The following PLXNA1 variants were observed in gnomAD, a reference collection of about 807,000 sequenced individuals.
The protein encoded by PLXNA1 is plexin-A1.
A neutral mutation model predicts 191.7 loss-of-function variants in PLXNA1; 77 were observed. That is an observed-to-expected ratio of 0.40 (90% CI 0.33 to 0.49). The LOEUF is 0.49. Among genes scored for constraint, PLXNA1 ranks in the 20% least tolerant of loss-of-function variants. The probability of loss-of-function intolerance (pLI) is 0.63; values close to 1 mark genes in which losing one functional copy is unlikely to be tolerated. For synonymous variants in PLXNA1, 1,137 were observed against 1,156.4 expected, an observed-to-expected ratio of 0.98 and a Z score of 0.34; for missense variants, 2,110 against 2,660.2, an observed-to-expected ratio of 0.79 and a Z score of 4.55.
At chr3:127,007,248 T>A (rs1226786382) in intron 8 of PLXNA1, among the ~76,000 whole-genome samples, 2 of 152,112 alleles carry the variant, frequency 1.3e-5, no homozygotes, top group Non-Finnish European at 2.9e-5. Context: ...GGCTGAGTTG[T>A]GGGCAGAGCG....
chr3:126,993,504 C>G (rs921850235), intron 3 of PLXNA1, among the ~76,000 whole-genome samples: 1 of 152,172 alleles, frequency 6.6e-6, no homozygotes, highest in Non-Finnish European at 1.5e-5. Flanking sequence ...ATGGCTAGTT[C>G]CTTCCTGGTG....
At chr3:126,985,242 C>T (rs76281589) in intron 1 of PLXNA1, among the ~76,000 whole-genome samples, 1,960 of 152,174 alleles carry the variant, frequency 0.013, 42 homozygotes, top group African/African-American at 0.042. Context: ...TTCCACCAGG[C>T]GGCGATCCCC....
intron 3 of PLXNA1, among the ~76,000 whole-genome samples, chr3:127,002,085 C>A (rs977360178): frequency 2.6e-5 from 4 of 152,210 alleles, no homozygotes; most frequent in Non-Finnish European, 4.4e-5. Context: ...CAGGCCCCAC[C>A]GGCAGGGGTG....
Position 126,988,708 on chromosome 3 carries a change from C to A in PLXNA1, c.115C>A (p.Pro39Thr), listed in dbSNP as rs140411089. 4 of 1,573,274 alleles carry A rather than the reference C, an allele frequency of 2.5e-6. No homozygotes were observed. The highest frequency in any genetic ancestry group is 3.5e-6 in the Non-Finnish European group (4 of 1,157,326). The change falls in exon 2 of 32, where the codon CCC becomes ACC. Residue 39 changes from proline to threonine, a missense_variant. Around this residue, in one of 4 missense-constraint regions of PLXNA1, gnomAD observed 903 missense variants for 1,015.7 expected, o/e 0.89. Coordinates refer to ENST00000393409, the MANE Select transcript of PLXNA1 (RefSeq NM_032242.4). ...GCCCAGGGCAGGCGGGGGTTCACAG[C>A]CCCCCTTCCGCACCTTCTCGGCCAG... ...GLPRAGGGSQ[P>T]PFRTFSASDW...
At chr3:126,991,199 G>T (rs959543241) in intron 2 of PLXNA1, among the ~76,000 whole-genome samples, 185 bp from the exon 3 acceptor site, 1 of 152,194 alleles carries the variant, frequency 6.6e-6, no homozygotes, top group African/African-American at 2.4e-5. Flanking sequence ...CTGGGAGCCC[G>T]CCCTCTGCCT....
At chr3:127,002,083 A>C (rs1371809553) in intron 3 of PLXNA1, among the ~76,000 whole-genome samples, 5 of 152,166 alleles carry the variant, frequency 3.3e-5, no homozygotes, top group Non-Finnish European at 7.4e-5. Context: ...TCCAGGCCCC[A>C]CCGGCAGGGG....
In PLXNA1 at chr3:127,000,003, G is replaced by A. The variant is rs574279883; in HGVS notation, c.1378-3327G>A. Reference sequence around the variant, plus strand: ...AGCAGGTGGGGGCATCCCGTGTTCCGCCAGCCAGGGGTGGGTGGGGGCCTG... The same window carrying A: ...AGCAGGTGGGGGCATCCCGTGTTCCACCAGCCAGGGGTGGGTGGGGGCCTG... On this transcript the variant is annotated intron_variant, in intron 3 of 31. Coordinates refer to ENST00000393409, the MANE Select transcript of PLXNA1 (RefSeq NM_032242.4). Among the ~76,000 whole-genome samples the A allele has an allele frequency of 7.2e-5, 11 of 152,144 alleles. No homozygotes were observed. The South Asian group carries it at 2.1e-3, about 29-fold the overall frequency.
intron 4 of PLXNA1, among the ~76,000 whole-genome samples, chr3:127,004,276 T>G (rs903408184): frequency 3.9e-5 from 6 of 152,336 alleles, no homozygotes; most frequent in Middle Eastern, 6.8e-3. Flanking sequence ...GATTGGGACC[T>G]GCCAAGCCCA....
chr3:127,006,586 G>A (rs1458249345), intron 8 of PLXNA1, among the ~76,000 whole-genome samples: 1 of 152,194 alleles, frequency 6.6e-6, no homozygotes, highest in Non-Finnish European at 1.5e-5. Context: ...ATGGAGGGGA[G>A]GCGCTCAGGG....
At chr3:126,985,781 G>A (rs944095001) in intron 1 of PLXNA1, among the ~76,000 whole-genome samples, 1 of 152,246 alleles carries the variant, frequency 6.6e-6, no homozygotes, top group Admixed American at 6.5e-5. Context: ...TTTGGGCCCT[G>A]CCCTGCTGGG....
intron 1 of PLXNA1, among the ~76,000 whole-genome samples, chr3:126,984,058 C>G (rs1362098825): frequency 1.3e-5 from 2 of 152,196 alleles, no homozygotes; most frequent in Non-Finnish European, 2.9e-5. Context: ...CCGGAGGCTT[C>G]CGATTGCTTC....
At position 127,018,009 on chromosome 3, in the gene PLXNA1, G is replaced by A. The variant is rs1576685018; in HGVS notation, c.3660+117G>A. The A allele has an allele frequency of 2.1e-6, 3 of 1,397,782 alleles. No homozygotes were observed. The South Asian group carries it at 4.0e-5, about 19-fold the overall frequency. 86.6% of individuals were successfully genotyped at this position (1,397,782 alleles called of 1,614,324 possible). On this transcript the variant is annotated intron_variant, in intron 19 of 31. Transcript: ENST00000393409. ...CCGAGACTCACCCCTAGCTCAGAGG[G>A]CGCCCGGCTCCAGTGCAGGCCCTGC...
intron 1 of PLXNA1, among the ~76,000 whole-genome samples, chr3:126,987,230 G>T (rs1295329726): frequency 6.6e-6 from 1 of 152,232 alleles, no homozygotes; most frequent in Non-Finnish European, 1.5e-5. Context: ...TCTGCCTACA[G>T]AGTAACAGGG....
intron 21 of PLXNA1, among the ~76,000 whole-genome samples, chr3:127,021,384 T>C (rs2079151570): frequency 6.6e-6 from 1 of 152,214 alleles, no homozygotes; most frequent in Non-Finnish European, 1.5e-5. Context: ...GGGAGCCTGG[T>C]ATCACTGGTG....
rs369862317 is a variant in PLXNA1, at chr3:127,012,034, G to A, written c.2189G>A (p.Arg730Gln). The A allele has an allele frequency of 2.1e-5, 34 of 1,613,520 alleles. 1 individual carries two copies. The highest frequency in any genetic ancestry group is 3.3e-4 in the Middle Eastern group (2 of 6,082). ...GVVKPITLAA[R>Q]NLPQPQSGQR... is the part of the protein sequence containing the mutation. ...GTAAAACCCATCACCCTGGCCGCAC[G>A]GAACCTGCCACAGCCACAGTCAGGC... Residue 730 changes from arginine (R) to glutamine (Q), a missense_variant, in exon 10 of 32, where the codon CGG (arginine) becomes CAG (glutamine). Physicochemically the swap from Arg to Gln is conservative, Grantham distance 43 (BLOSUM62 1). This residue lies in a region of PLXNA1 where 903 missense variants were observed against 1,015.7 expected (regional missense o/e 0.89). Transcript: ENST00000393409.
rs560433425 is a variant in PLXNA1, at chr3:127,003,252, C to A, written c.1378-78C>A. On this transcript the variant is annotated intron_variant, in intron 3 of 31. Coordinates refer to ENST00000393409, the MANE Select transcript of PLXNA1 (RefSeq NM_032242.4). ...GGCAGCTCAGGGAGGGGCTTTAGAC[C>A]CCTGACCTTCTGTGGGGGGTGGGGC... is the stretch of plus-strand genomic sequence containing the variant. The A allele has an allele frequency of 9.0e-4, 1,331 of 1,475,160 alleles. 3 individuals carry two copies. Among genetic ancestry groups the A allele is most frequent in the Non-Finnish European group, 8.8e-4 (971 of 1,104,896 alleles). The allele number at this position is 1,475,160 out of a possible 1,614,324, so 91.4% of individuals were successfully genotyped here. A position where few individuals can be genotyped will look rare whatever the true frequency, so the allele number is the denominator to read the frequency against.
At chr3:127,005,986 G>T in intron 7 of PLXNA1, 93 bp from the exon 8 acceptor site, 1 of 899,644 alleles carries the variant, frequency 1.1e-6, no homozygotes, top group East Asian at 2.4e-5. Flanking sequence ...CAGCTAGGAG[G>T]GTCTCCGGGC....
Position 126,983,155 on chromosome 3 carries a change from C to CCGGGCGCGGCGG in PLXNA1, c.-202_-191dup, listed in dbSNP as rs2078938676. 1.4e-5 allele frequency among the ~76,000 whole-genome samples: 2 copies of CCGGGCGCGGCGG among 145,412 alleles called. No individual in the cohort carries two copies. The highest frequency in any genetic ancestry group is 3.1e-5 in the Non-Finnish European group (2 of 65,544). On this transcript the variant is annotated 5_prime_UTR_variant, in exon 1 of 32. Coordinates refer to ENST00000393409, the MANE Select transcript of PLXNA1 (RefSeq NM_032242.4). The stretch of plus-strand genomic sequence containing the variant: ...CGGCTGCGCGGCCACGCAGCGGAGC[C>CCGGGCGCGGCGG]CGGGCGCGGCGGCGGCCTCGGCCTG...
In PLXNA1 at chr3:127,033,946, G is replaced by A; in HGVS notation, c.5620G>A (p.Glu1874Lys). 1 of 1,605,194 alleles carries A rather than the reference G, an allele frequency of 6.2e-7. No individual in the cohort carries two copies. The highest frequency in any genetic ancestry group is 8.5e-7 in the Non-Finnish European group (1 of 1,177,146). The part of the protein sequence containing the change: ...DEILAALEKD[E>K]QARRQRLRSK... The stretch of plus-strand genomic sequence containing the variant: ...GATCCTGGCAGCCCTGGAGAAGGAT[G>A]AGCAGGCGCGGCGGCAGCGGCTGCG... The change falls in exon 32 of 32, where the codon GAG (glutamate) becomes AAG (lysine). Residue 1874 changes from glutamate (E) to lysine (K), a missense_variant. This residue lies in a region of PLXNA1 where 559 missense variants were observed against 911.5 expected (regional missense o/e 0.61). Coordinates refer to ENST00000393409, the MANE Select transcript of PLXNA1 (RefSeq NM_032242.4).
Sources: allele counts gnomAD v4.1 joint callset (sites outside exome capture counted in the v4.1 genomes callset), GRCh38; gene constraint gnomAD v4.1.1; regional missense constraint gnomAD v4.1.1; transcripts MANE v1.5; gene names NCBI Gene and HGNC (gene_info 2026-07-23, HGNC 2026-07-21).